The following SETD5 variants were observed in gnomAD, a reference collection of about 807,000 sequenced individuals.
SETD5 encodes SET domain containing 5.
In SETD5, 44 loss-of-function variants were observed where a neutral mutation model predicts 153.3. The observed-to-expected ratio is 0.29, with a 90% CI of 0.23 to 0.37. The LOEUF is 0.37. Among genes scored for constraint, SETD5 ranks in the 10% least tolerant of loss-of-function variants. SETD5 has a pLI of 1.00. For synonymous variants in SETD5, 716 were observed against 645.2 expected (o/e 1.11, Z -1.66); for missense variants, 1,544 against 1,768.0 (o/e 0.87, Z 2.27).
At chr3:9,469,546 A>C (rs1308966260) in intron 18 of SETD5, among the ~76,000 whole-genome samples, 1 of 152,192 alleles carries the variant, frequency 6.6e-6, no homozygotes, top group Non-Finnish European at 1.5e-5. Flanking sequence ...CTAGTATATT[A>C]GAGATTTTCT....
Position 9,445,661 on chromosome 3 carries a change from T to G in SETD5, c.1445T>G (p.Val482Gly). Residue 482 changes from valine (V) to glycine (G), a missense_variant, in exon 13 of 23, where the codon GTA (valine) becomes GGA (glycine). This residue lies in a region of SETD5 where 782 missense variants were observed against 787.2 expected (regional missense o/e 0.99). Coordinates refer to ENST00000402198, the MANE Select transcript of SETD5 (RefSeq NM_001080517.3). Reference protein sequence around the residue: ...KVTVSSDHEEVDNPEEKPEEE... With the variant: ...KVTVSSDHEEGDNPEEKPEEE... ...AATATTGCCTCTATCTTAAAGGAAG[T>G]AGACAATCCAGAAGAAAAACCAGAA... is the stretch of plus-strand genomic sequence containing the variant. 6.2e-7 allele frequency: 1 copy of G among 1,613,150 alleles called. No homozygotes were observed. Among genetic ancestry groups the G allele is most frequent in the South Asian group, 1.1e-5 (1 of 91,054 alleles).
intron 7 of SETD5, chr3:9,436,927 C>G: frequency 1.9e-6 from 3 of 1,539,872 alleles, no homozygotes; most frequent in Non-Finnish European, 2.6e-6. Context: ...TTTTACTTCA[C>G]TGTGATCTTG....
intron 1 of SETD5, among the ~76,000 whole-genome samples, chr3:9,415,234 A>G (rs959608091): frequency 9.2e-5 from 14 of 152,234 alleles, no homozygotes; most frequent in African/African-American, 3.4e-4. Flanking sequence ...AATTAATGAC[A>G]TGAGCATTTT....
At chr3:9,447,003 C>T (rs201427896) in intron 13 of SETD5, 47 bp from the exon 14 acceptor site, 26 of 1,430,834 alleles carry the variant, frequency 1.8e-5, no homozygotes, top group Non-Finnish European at 2.1e-5. Context: ...GCTATCCACT[C>T]GTCCTCATTT....
intron 3 of SETD5, chr3:9,432,383 C>A: frequency 1.6e-6 from 1 of 607,886 alleles, no homozygotes; most frequent in Non-Finnish European, 2.1e-6. Flanking sequence ...ATTGACATTG[C>A]ACCACATTGA....
chr3:9,443,616 A>G (rs1002181875), intron 11 of SETD5, among the ~76,000 whole-genome samples, 199 bp downstream of exon 11: 4 of 151,782 alleles, frequency 2.6e-5, no homozygotes, highest in Non-Finnish European at 5.9e-5. Context: ...ACCTTGTATG[A>G]TACTGCTCAC....
Position 9,406,607 on chromosome 3 carries a change from C to CAAAAAAAAAAA in SETD5, c.-177+8634_-177+8644dup, listed in dbSNP as rs746999028. On this transcript the variant is annotated intron_variant, in intron 1 of 22. Coordinates refer to ENST00000402198, the MANE Select transcript of SETD5 (RefSeq NM_001080517.3). Reference sequence around the variant, plus strand: ...TGGGCGACAGAGCGAGACTCTGTCTCAAAAAAAAAAAAAAGAATAGATCTG... The same window carrying CAAAAAAAAAAA: ...TGGGCGACAGAGCGAGACTCTGTCTCAAAAAAAAAAAAAAAAAAAAAAAAAGAATAGATCTG... Among the ~76,000 whole-genome samples, 62 of 99,158 alleles carry CAAAAAAAAAAA rather than the reference C, an allele frequency of 6.3e-4. 1 individual carries two copies. The highest frequency in any genetic ancestry group is 2.1e-3 in the African/African-American group (53 of 25,352). 65.1% of individuals were successfully genotyped at this position (99,158 alleles called of 152,430 possible). A position where few individuals can be genotyped will look rare whatever the true frequency, so the allele number is the denominator to read the frequency against.
intron 17 of SETD5, among the ~76,000 whole-genome samples, chr3:9,458,315 T>G (rs1188219981): frequency 2.0e-5 from 3 of 152,224 alleles, no homozygotes; most frequent in Admixed American, 2.0e-4. Flanking sequence ...AATATATATA[T>G]TTTTTTAATT....
At chr3:9,457,009 GA>G in intron 17 of SETD5, among the ~76,000 whole-genome samples, 1 of 151,140 alleles carries the variant, frequency 6.6e-6, no homozygotes, top group Non-Finnish European at 1.5e-5. Context: ...AGGGAGGGAA[GA>G]AAGAAAAGAG....
At chr3:9,471,127 G>A (rs971689901) in intron 19 of SETD5, among the ~76,000 whole-genome samples, 198 bp downstream of exon 19, 1 of 152,216 alleles carries the variant, frequency 6.6e-6, no homozygotes, top group Non-Finnish European at 1.5e-5. Flanking sequence ...GTAAATGCCT[G>A]TATGTGCCAT....
At chr3:9,432,004 A>T (rs986155426) in intron 3 of SETD5, 3 of 153,524 alleles carry the variant, frequency 2.0e-5, no homozygotes, top group African/African-American at 7.2e-5. Flanking sequence ...TTAACTGTCC[A>T]TCATAGAAAC....
intron 1 of SETD5, among the ~76,000 whole-genome samples, chr3:9,404,602 C>A (rs1473350077): frequency 6.6e-6 from 1 of 152,126 alleles, no homozygotes; most frequent in Non-Finnish European, 1.5e-5. Context: ...GCCATCTAGT[C>A]AAGCACCAGT....
At chr3:9,442,914 C>G (rs1399437592) in intron 10 of SETD5, 1 of 175,672 alleles carries the variant, frequency 5.7e-6, no homozygotes, top group Non-Finnish European at 1.2e-5. Context: ...GTGGCGTGTG[C>G]CTGTATTCCC....
At chr3:9,437,494 T>C (rs2125129903) in intron 7 of SETD5, among the ~76,000 whole-genome samples, 1 of 149,808 alleles carries the variant, frequency 6.7e-6, no homozygotes, top group South Asian at 2.1e-4. Flanking sequence ...AAAGGAGATT[T>C]GATTATGCTG....
chr3:9,433,557 C>T, intron 3 of SETD5: 1 of 1,296,874 alleles, frequency 7.7e-7, no homozygotes, highest in Non-Finnish European at 1.0e-6. Flanking sequence ...ACTCCCCGCT[C>T]AGCTGGTACG....
rs778883904 is a variant in SETD5, at chr3:9,425,055, C to CTTTTTTTTTTTTTTTTTTTTTTTTT, written c.-117+552_-117+553insTTTTTTTTTTTTTTTTTTTTTTTTT. On this transcript the variant is annotated intron_variant, in intron 2 of 22. Transcript: ENST00000402198. ...AAATTTATAGTTACCGACAATGTTT[C>CTTTTTTTTTTTTTTTTTTTTTTTTT]TTTTTTTTTTTTTTTTTTTTTTTGA... 9.6e-5 allele frequency among the ~76,000 whole-genome samples: 8 copies of CTTTTTTTTTTTTTTTTTTTTTTTTT among 83,642 alleles called. 2 individuals carry two copies. The highest frequency in any genetic ancestry group is 3.9e-4 in the African/African-American group (8 of 20,436). 54.9% of individuals were successfully genotyped at this position (83,642 alleles called of 152,430 possible). A position where few individuals can be genotyped will look rare whatever the true frequency, so the allele number is the denominator to read the frequency against.
At chr3:9,436,136 C>T (rs1023509878) in intron 7 of SETD5, among the ~76,000 whole-genome samples, 1 of 152,118 alleles carries the variant, frequency 6.6e-6, no homozygotes, top group Non-Finnish European at 1.5e-5. Flanking sequence ...CAGTCCCCAT[C>T]CCAGGTATGA....
At chr3:9,453,098 A>T (rs2125345333) in intron 16 of SETD5, among the ~76,000 whole-genome samples, 2 of 151,940 alleles carry the variant, frequency 1.3e-5, no homozygotes, top group East Asian at 1.9e-4. Context: ...CTTCTTTTTG[A>T]CTTTTTCCCT....
chr3:9,405,914 A>G (rs1381611040), intron 1 of SETD5, among the ~76,000 whole-genome samples: 1 of 152,174 alleles, frequency 6.6e-6, no homozygotes, highest in East Asian at 1.9e-4. Flanking sequence ...ACATGCCACA[A>G]CACATACAAT....
Sources: allele counts gnomAD v4.1 joint callset (sites outside exome capture counted in the v4.1 genomes callset), GRCh38; gene constraint gnomAD v4.1.1; regional missense constraint gnomAD v4.1.1; transcripts MANE v1.5; gene names NCBI Gene and HGNC (gene_info 2026-07-23, HGNC 2026-07-21).